Variants in GSTCD observed in about 807,000 individuals in gnomAD.
GSTCD encodes the protein glutathione S-transferase C-terminal domain containing.
In GSTCD, 44 loss-of-function variants were observed where a neutral mutation model predicts 68.3. The observed-to-expected ratio is 0.64, with a 90% CI of 0.51 to 0.83. The LOEUF (loss-of-function observed/expected upper bound fraction) is 0.83. Ranked by LOEUF, GSTCD falls within the 40% of genes least tolerant of loss-of-function variation. The pLI, the probability that GSTCD is intolerant of heterozygous loss-of-function variation, is 0.00. For missense variants in GSTCD, 739 were observed against 735.9 expected, an observed-to-expected ratio of 1.00 and a Z score of -0.05; for synonymous variants, 273 against 255.2, an observed-to-expected ratio of 1.07 and a Z score of -0.67.
chr4:105,831,278 G>A (rs144173456), intron 8 of GSTCD, among the ~76,000 whole-genome samples: 1 of 152,150 alleles, frequency 6.6e-6, no homozygotes, highest in Non-Finnish European at 1.5e-5. Flanking sequence ...GATTGGGCTG[G>A]GGCAAGTTTA....
chr4:105,775,920 T>C (rs984093091), intron 5 of GSTCD, among the ~76,000 whole-genome samples: 3 of 152,206 alleles, frequency 2.0e-5, no homozygotes, highest in Non-Finnish European at 4.4e-5. Flanking sequence ...GGCAGGAACA[T>C]TGAAGTCTGC....
At chr4:105,736,475 T>C (rs1013087138) in intron 5 of GSTCD, among the ~76,000 whole-genome samples, 1 of 152,206 alleles carries the variant, frequency 6.6e-6, no homozygotes, top group Non-Finnish European at 1.5e-5. Flanking sequence ...ATTTTTTCAT[T>C]GACACATAGT....
Position 105,719,467 on chromosome 4 carries a change from A to C in GSTCD, c.834A>C (p.Ala278=), listed in dbSNP as rs1732794637. The C allele has an allele frequency of 6.2e-7, 1 of 1,614,114 alleles. No homozygotes were observed. Among genetic ancestry groups the C allele is most frequent in the Non-Finnish European group, 8.5e-7 (1 of 1,179,970 alleles). Residue 278 remains alanine (A), a synonymous_variant, in exon 3 of 12, where the codon GCA becomes GCC. Coordinates refer to ENST00000515279, the MANE Select transcript of GSTCD (RefSeq NM_001370181.1). ...SDLPPLEHVF[A]EGLYFTLADI... ...TTCCACCTCTGGAGCATGTGTTTGC[A>C]GAAGGGCTTTACTTCACTCTGGCAG...
At chr4:105,804,179 T>C (rs1736243738) in intron 5 of GSTCD, among the ~76,000 whole-genome samples, 1 of 152,034 alleles carries the variant, frequency 6.6e-6, no homozygotes, top group Non-Finnish European at 1.5e-5. Flanking sequence ...TGGTGATTCA[T>C]TATTGTTATT....
At chr4:105,735,451 C>A (rs113357764) in intron 5 of GSTCD, among the ~76,000 whole-genome samples, 1 of 152,178 alleles carries the variant, frequency 6.6e-6, no homozygotes, top group Non-Finnish European at 1.5e-5. Flanking sequence ...AGCAAGGCTC[C>A]GTTGGCGTGG....
intron 1 of GSTCD, among the ~76,000 whole-genome samples, chr4:105,709,437 C>T (rs945962780): frequency 6.6e-5 from 10 of 152,150 alleles, no homozygotes; most frequent in Admixed American, 2.0e-4. Flanking sequence ...TTCCTGATTG[C>T]AGAAAGCAGT....
intron 5 of GSTCD, among the ~76,000 whole-genome samples, chr4:105,736,779 A>G (rs1213832273): frequency 1.3e-5 from 2 of 152,212 alleles, no homozygotes; most frequent in East Asian, 3.9e-4. Context: ...TCTACTCTCT[A>G]ATTCTATGAG....
intron 5 of GSTCD, among the ~76,000 whole-genome samples, chr4:105,812,911 T>C (rs1214388918): frequency 6.6e-6 from 1 of 152,158 alleles, no homozygotes; most frequent in East Asian, 1.9e-4. Context: ...TATATTTATT[T>C]ATTTTTCTTA....
rs1443302366 is a variant in GSTCD at position 105,719,509 on chromosome 4, C to T, written c.876C>T (p.Pro292=). The T allele has an allele frequency of 1.2e-6, 2 of 1,613,252 alleles. No homozygotes were observed. Among genetic ancestry groups the T allele is most frequent in the Non-Finnish European group, 1.7e-6 (2 of 1,179,312 alleles). Residue 292 remains proline (P), a synonymous_variant, in exon 3 of 12, where the codon CCC becomes CCT. Coordinates refer to ENST00000515279, the MANE Select transcript of GSTCD (RefSeq NM_001370181.1). The stretch of plus-strand genomic sequence containing the variant: ...CTCTGGCAGATATTGTGCTCTTGCC[C>T]TGTATCCATCATTTCTTGGTAAGGT... ...YFTLADIVLL[P]CIHHFLVIIS...
intron 5 of GSTCD, among the ~76,000 whole-genome samples, chr4:105,794,849 A>G (rs1735816612): frequency 7.8e-6 from 1 of 128,988 alleles, no homozygotes; most frequent in Non-Finnish European, 1.6e-5. Context: ...TTATCTATCT[A>G]TCTATCTATC....
At chr4:105,828,489 T>C (rs1157353330) in intron 8 of GSTCD, among the ~76,000 whole-genome samples, 1 of 152,076 alleles carries the variant, frequency 6.6e-6, no homozygotes, top group Non-Finnish European at 1.5e-5. Flanking sequence ...AAATAGCAGA[T>C]AGAGGTATTT....
intron 5 of GSTCD, among the ~76,000 whole-genome samples, chr4:105,795,592 TA>T (rs1398399048): frequency 6.6e-6 from 1 of 152,052 alleles, no homozygotes; most frequent in Non-Finnish European, 1.5e-5. Context: ...AAAACATCTT[TA>T]GATTCTGCTG....
At chr4:105,709,997 G>A (rs1034198936) in intron 1 of GSTCD, among the ~76,000 whole-genome samples, 16 of 151,164 alleles carry the variant, frequency 1.1e-4, no homozygotes, top group Admixed American at 2.0e-4. Flanking sequence ...CTGCCTGATG[G>A]GGAGCATACA....
chr4:105,814,414 A>G (rs1315469623), intron 5 of GSTCD, among the ~76,000 whole-genome samples: 4 of 152,096 alleles, frequency 2.6e-5, no homozygotes, highest in African/African-American at 9.7e-5. Flanking sequence ...GGAGTTCGAG[A>G]CCAGCCTGGC....
intron 5 of GSTCD, among the ~76,000 whole-genome samples, chr4:105,802,202 A>G (rs1337462592): frequency 6.6e-6 from 1 of 152,138 alleles, no homozygotes; most frequent in African/African-American, 2.4e-5. Context: ...CAGAGAAGGT[A>G]TCTCTCTAAA....
chr4:105,729,154 T>C (rs1250957690), intron 4 of GSTCD, among the ~76,000 whole-genome samples: 1 of 152,174 alleles, frequency 6.6e-6, no homozygotes, highest in Non-Finnish European at 1.5e-5. Context: ...CTATGGATTT[T>C]CTAGTAATAA....
chr4:105,729,426 G>A lies in GSTCD; in HGVS notation c.1167G>A (p.Met389Ile), dbSNP rs749951686. The A allele has an allele frequency of 1.4e-5, 23 of 1,609,538 alleles. No individual in the cohort carries two copies. In the East Asian group the frequency reaches 4.7e-4, roughly 33 times the overall value. The change falls in exon 5 of 12, where the codon ATG (methionine) becomes ATA (isoleucine). Residue 389 changes from methionine to isoleucine, a missense_variant. Physicochemically the swap from Met to Ile is conservative, Grantham distance 10. Transcript: ENST00000515279. ...TCTAGGAAAAGGGCATTGAAGTGAT[G>A]TTTTCTCCCCACCCTTGCCCTACTT... Reference protein sequence around the residue: ...AKLMEKGIEVMFSPHPCPTWT... With the variant: ...AKLMEKGIEVIFSPHPCPTWT...
intron 1 of GSTCD, among the ~76,000 whole-genome samples, chr4:105,711,510 T>C (rs946584472): frequency 6.6e-6 from 1 of 152,246 alleles, no homozygotes; most frequent in Non-Finnish European, 1.5e-5. Flanking sequence ...GTTTTGCCCA[T>C]CAAGGTTTGC....
intron 7 of GSTCD, 56 bp from the exon 8 acceptor site, chr4:105,825,616 G>T: frequency 1.0e-6 from 1 of 1,000,846 alleles, no homozygotes; most frequent in Non-Finnish European, 1.5e-6. Context: ...ATAATGCTTT[G>T]CCTAATGTCT....
Sources: allele counts gnomAD v4.1 joint callset (sites outside exome capture counted in the v4.1 genomes callset), GRCh38; gene constraint gnomAD v4.1.1; transcripts MANE v1.5; gene names NCBI Gene and HGNC (gene_info 2026-07-23, HGNC 2026-07-21).